The following PHEX variants were observed in gnomAD, a reference collection of about 807,000 sequenced individuals.
The protein encoded by PHEX is phosphate-regulating neutral endopeptidase PHEX.
In PHEX, 16 loss-of-function variants were observed where a neutral mutation model predicts 68.0. The ratio of observed to expected loss-of-function variants is 0.24; its 90% CI spans 0.16 to 0.36. The LOEUF (loss-of-function observed/expected upper bound fraction) is 0.36, where lower values mean the gene tolerates loss of function less well. PHEX is among the 10% of genes least tolerant of loss of function. The pLI, the probability that PHEX is intolerant of heterozygous loss-of-function variation, is 1.00. For synonymous variants in PHEX, 208 were observed against 205.1 expected (o/e 1.01, Z -0.12); for missense variants, 480 against 575.5 (o/e 0.83, Z 1.70).
intron 20 of PHEX, among the ~76,000 whole-genome samples, chrX:22,240,581 C>CAAA (rs755236973): frequency 3.9e-5 from 4 of 103,480 alleles, no homozygotes; most frequent in African/African-American, 1.4e-4. Flanking sequence ...CAAAAACAAA[C>CAAA]AAAAAAAAAA....
At chrX:22,036,847 C>T (rs1056518098) in intron 1 of PHEX, among the ~76,000 whole-genome samples, 21 of 109,234 alleles carry the variant, frequency 1.9e-4, no homozygotes, top group African/African-American at 6.0e-4. Flanking sequence ...CCTGTAATCC[C>T]AGCACTTTGG....
chrX:22,242,150 CACATACACAGA>C (rs200921095), intron 20 of PHEX, among the ~76,000 whole-genome samples: 2,788 of 111,212 alleles, frequency 0.025, 198 homozygotes, highest in Admixed American at 0.19. Context: ...CATAATCCAT[CACATACACAGA>C]ACCAATGACA....
At chrX:22,185,928 G>GGC (rs2147134775) in intron 14 of PHEX, among the ~76,000 whole-genome samples, 1 of 110,146 alleles carries the variant, frequency 9.1e-6, no homozygotes, top group Admixed American at 9.7e-5. Flanking sequence ...GCTAATTTTT[G>GGC]TAGTTTTAGT....
At position 22,102,964 on chromosome X, in the gene PHEX, A is replaced by G. The variant is rs182348756; in HGVS notation, c.1079+3813A>G. 2.1e-4 allele frequency among the ~76,000 whole-genome samples: 24 copies of G among 112,057 alleles called. No homozygotes were observed. The East Asian group carries it at 5.9e-3, about 28-fold the overall frequency. ...GGTAATGGTGATGTTAACCACCACT[A>G]TGGTTAACATCTTTGATCTTTACAA... On this transcript the variant is annotated intron_variant, in intron 9 of 21. Transcript: ENST00000379374.
chrX:22,181,357 C>A (rs73446717), intron 14 of PHEX, among the ~76,000 whole-genome samples: 3 of 111,688 alleles, frequency 2.7e-5, no homozygotes, highest in Non-Finnish European at 5.6e-5. Flanking sequence ...GATAATCATT[C>A]ATGTTGTGCA....
chrX:22,164,634 C>A (rs910140000), intron 12 of PHEX, among the ~76,000 whole-genome samples: 3 of 112,012 alleles, frequency 2.7e-5, no homozygotes, highest in Non-Finnish European at 3.8e-5. Context: ...TCAGCTTGTC[C>A]GTTCGTTCGT....
At chrX:22,044,754 AAGT>A (rs1475400578) in intron 2 of PHEX, among the ~76,000 whole-genome samples, 1 of 105,930 alleles carries the variant, frequency 9.4e-6, no homozygotes, top group Non-Finnish European at 2.0e-5. Flanking sequence ...AAAAATAAAA[AAGT>A]AGCAGTAATT....
intron 20 of PHEX, among the ~76,000 whole-genome samples, chrX:22,245,042 A>G (rs1936352175): frequency 8.9e-6 from 1 of 112,185 alleles, no homozygotes; most frequent in Non-Finnish European, 1.9e-5. Flanking sequence ...CATTGAATGA[A>G]TACACTGGTC....
chrX:22,062,529 TGTG>T (rs1290351594), intron 3 of PHEX, among the ~76,000 whole-genome samples: 3 of 111,635 alleles, frequency 2.7e-5, no homozygotes, highest in African/African-American at 9.8e-5. Context: ...GTCTTTCAAA[TGTG>T]GTGCATATCT....
intron 18 of PHEX, among the ~76,000 whole-genome samples, chrX:22,224,099 C>T (rs1935361279): frequency 9.0e-6 from 1 of 111,709 alleles, no homozygotes. Flanking sequence ...TCTCCTGCCT[C>T]AGCCTCCCCA....
chrX:22,108,435 C>G (rs1484257799), intron 9 of PHEX, among the ~76,000 whole-genome samples: 1 of 111,124 alleles, frequency 9.0e-6, no homozygotes, highest in Admixed American at 9.6e-5. Context: ...GATGGGTGCA[C>G]TAACATCTCA....
intron 8 of PHEX, among the ~76,000 whole-genome samples, chrX:22,097,378 G>A (rs1285903145): frequency 1.2e-4 from 13 of 112,309 alleles, no homozygotes; most frequent in Admixed American, 1.1e-3. Flanking sequence ...TGTTTAGTGT[G>A]TTGGCTTTTT....
Position 22,148,378 on chromosome X carries a change from A to G in PHEX, c.1404+14754A>G, listed in dbSNP as rs148167544. ...TAATTGACAAATAATAATTGTATAT[A>G]TATTTTTGGGGTACAGTGTGATGTT... On this transcript the variant is annotated intron_variant, in intron 12 of 21. Transcript: ENST00000379374. Among the ~76,000 whole-genome samples, 325 of 112,005 alleles carry G rather than the reference A, an allele frequency of 2.9e-3. 12 individuals carry two copies. The East Asian group carries it at 0.051, about 18-fold the overall frequency.
At chrX:22,222,379 G>T (rs1438613345) in intron 18 of PHEX, among the ~76,000 whole-genome samples, 7 of 111,573 alleles carry the variant, frequency 6.3e-5, no homozygotes, top group Non-Finnish European at 1.3e-4. Flanking sequence ...GTCAGACATG[G>T]GTCCAAATCT....
intron 15 of PHEX, among the ~76,000 whole-genome samples, chrX:22,193,717 T>G (rs1203737691): frequency 8.9e-6 from 1 of 112,059 alleles, no homozygotes; most frequent in Non-Finnish European, 1.9e-5. Context: ...CCCAGGTTTT[T>G]GCTTATGAAC....
In PHEX at chrX:22,193,042, T is replaced by C. The variant is rs543844399; in HGVS notation, c.1645+2540T>C. ...GTTAAATATTTTGAATGTCACTTCT[T>C]ACTGTATAAATATTCATTATCACGA... is the stretch of plus-strand genomic sequence containing the variant. On this transcript the variant is annotated intron_variant, in intron 15 of 21. Coordinates refer to ENST00000379374, the MANE Select transcript of PHEX (RefSeq NM_000444.6). 3.6e-5 allele frequency among the ~76,000 whole-genome samples: 4 copies of C among 111,611 alleles called. No individual in the cohort carries two copies. The South Asian group carries it at 1.5e-3, about 41-fold the overall frequency.
At chrX:22,071,174 A>AT (rs1036635314) in intron 3 of PHEX, among the ~76,000 whole-genome samples, 2 of 110,804 alleles carry the variant, frequency 1.8e-5, no homozygotes, top group African/African-American at 6.6e-5. Flanking sequence ...AGAACTAAGT[A>AT]TTTTTTTTCT....
chrX:22,149,351 T>C lies in PHEX; in HGVS notation c.1404+15727T>C, dbSNP rs1932794566. On this transcript the variant is annotated intron_variant, in intron 12 of 21. Transcript: ENST00000379374. The stretch of plus-strand genomic sequence containing the variant: ...GAGGACAACAGTGAGATTGTGTCCT[T>C]CAGGGCCACAGACCAGAACCTTTAC... Among the ~76,000 whole-genome samples, 2 of 112,461 alleles carry C rather than the reference T, an allele frequency of 1.8e-5. 1 individual carries two copies. The highest frequency in any genetic ancestry group is 1.9e-4 in the Admixed American group (2 of 10,668).
chrX:22,084,539 G>GT lies in PHEX; in HGVS notation c.664-5871dup, dbSNP rs76410908. ...GTTTGGAAGTATTCCCTTCTCTTCA[G>GT]TTTTTTTTTTTTTTTTTTTGGAAGA... On this transcript the variant is annotated intron_variant, in intron 5 of 21. Coordinates refer to ENST00000379374, the MANE Select transcript of PHEX (RefSeq NM_000444.6). 6.2e-3 allele frequency among the ~76,000 whole-genome samples: 472 copies of GT among 75,777 alleles called. 4 individuals carry two copies. The highest frequency in any genetic ancestry group is 0.049 in the East Asian group (117 of 2,384). The allele number at this position is 75,777 out of a possible 115,157, so 65.8% of individuals were successfully genotyped here.
Sources: allele counts gnomAD v4.1 joint callset (sites outside exome capture counted in the v4.1 genomes callset), GRCh38; gene constraint gnomAD v4.1.1; transcripts MANE v1.5; gene names NCBI Gene and HGNC (gene_info 2026-07-23, HGNC 2026-07-21).